The following LRBA variants were observed in gnomAD, a reference collection of about 807,000 sequenced individuals.
LRBA encodes lipopolysaccharide-responsive and beige-like anchor protein.
LRBA carries 176 observed loss-of-function variants against 330.0 expected under a neutral mutation model. The ratio of observed to expected loss-of-function variants is 0.53; its 90% CI spans 0.47 to 0.60. LRBA has a LOEUF of 0.60. LRBA is among the 20% of genes least tolerant of loss of function. The pLI is 0.00. For missense variants in LRBA, 3,259 were observed against 3,444.8 expected (o/e 0.95, Z 1.35); for synonymous variants, 1,230 against 1,193.0 (o/e 1.03, Z -0.64).
intron 40 of LRBA, among the ~76,000 whole-genome samples, chr4:150,547,326 AAC>A (rs1342303047): frequency 3.3e-5 from 5 of 152,186 alleles, no homozygotes; most frequent in African/African-American, 1.2e-4. Flanking sequence ...AATGCGACAA[AAC>A]ACACAGACAC....
chr4:150,555,205 GTTGT>G (rs1317347653), intron 40 of LRBA, among the ~76,000 whole-genome samples: 2 of 152,126 alleles, frequency 1.3e-5, no homozygotes, highest in African/African-American at 4.8e-5. Context: ...GAACACTTCA[GTTGT>G]TTAATTGTAT....
At chr4:150,857,609 G>T (rs1025560120) in intron 22 of LRBA, among the ~76,000 whole-genome samples, 1 of 151,986 alleles carries the variant, frequency 6.6e-6, no homozygotes, top group East Asian at 1.9e-4. Context: ...CCACTTACAG[G>T]AATTTATCCT....
chr4:150,683,690 T>C lies in LRBA; in HGVS notation c.5782A>G (p.Lys1928Glu), dbSNP rs1465886720. 1.9e-6 allele frequency: 3 copies of C among 1,613,356 alleles called. No individual in the cohort carries two copies. Among genetic ancestry groups the C allele is most frequent in the Non-Finnish European group, 2.5e-6 (3 of 1,179,592 alleles). Reference protein sequence around the residue: ...ESLCAQYSADKREDEKMCDHL... With the variant: ...ESLCAQYSADEREDEKMCDHL... ...TCACACATCTTCTCATCTTCTCGTT[T>C]GTCTGCAGAATACTGGGCACACAGT... Residue 1928 changes from lysine (K) to glutamate (E), a missense_variant, in exon 37 of 57, where the codon AAA becomes GAA. Transcript: ENST00000651943.
chr4:150,751,323 G>T (rs1399177701), intron 35 of LRBA, among the ~76,000 whole-genome samples: 1 of 151,962 alleles, frequency 6.6e-6, no homozygotes, highest in African/African-American at 2.4e-5. Context: ...TTCTGAGAAG[G>T]TCCTGAATAC....
intron 47 of LRBA, among the ~76,000 whole-genome samples, chr4:150,362,948 T>G (rs1011682871): frequency 4.6e-5 from 7 of 151,912 alleles, no homozygotes; most frequent in African/African-American, 1.4e-4. Flanking sequence ...TGAATCCCCA[T>G]CTCTACTGAA....
intron 40 of LRBA, among the ~76,000 whole-genome samples, chr4:150,519,642 A>C (rs1045221916): frequency 3.3e-5 from 5 of 152,172 alleles, no homozygotes; most frequent in Non-Finnish European, 7.4e-5. Flanking sequence ...ACTAAGAATA[A>C]AGTTGATGTA....
At chr4:150,806,181 C>T in intron 33 of LRBA, 90 bp downstream of exon 33, 1 of 1,005,548 alleles carries the variant, frequency 9.9e-7, no homozygotes, top group Non-Finnish European at 1.4e-6. Context: ...AACACTTAAA[C>T]AATGAAACTC....
At chr4:150,925,797 A>T (rs1733819860) in intron 4 of LRBA, among the ~76,000 whole-genome samples, 1 of 152,224 alleles carries the variant, frequency 6.6e-6, no homozygotes, top group Non-Finnish European at 1.5e-5. Flanking sequence ...CAGAATAAAT[A>T]ATGTGAATAT....
chr4:150,873,367 G>A (rs1218988626), intron 17 of LRBA, among the ~76,000 whole-genome samples: 1 of 152,188 alleles, frequency 6.6e-6, no homozygotes, highest in African/African-American at 2.4e-5. Flanking sequence ...AAGGCAGGCA[G>A]ATCACCTGAA....
At chr4:150,693,512 C>T (rs1490513820) in intron 36 of LRBA, among the ~76,000 whole-genome samples, 2 of 134,518 alleles carry the variant, frequency 1.5e-5, no homozygotes, top group South Asian at 2.4e-4. Context: ...TGCAGTGAGC[C>T]GAGATCCCGC....
intron 40 of LRBA, among the ~76,000 whole-genome samples, chr4:150,536,971 G>A (rs1764720411): frequency 6.6e-6 from 1 of 152,158 alleles, no homozygotes; most frequent in African/African-American, 2.4e-5. Context: ...CACAGAATTA[G>A]AAATAACTAT....
chr4:150,633,099 G>T (rs1657983821), intron 37 of LRBA, among the ~76,000 whole-genome samples: 1 of 152,148 alleles, frequency 6.6e-6, no homozygotes, highest in South Asian at 2.1e-4. Context: ...ATATAGTTTA[G>T]CAGTTAAGAA....
chr4:150,746,521 T>C (rs1370758165), intron 35 of LRBA, among the ~76,000 whole-genome samples: 1 of 150,548 alleles, frequency 6.6e-6, no homozygotes, highest in Non-Finnish European at 1.5e-5. Context: ...TTTTTTTTTT[T>C]TTTTTGTGAG....
At chr4:150,856,662 A>G (rs891808910) in intron 22 of LRBA, among the ~76,000 whole-genome samples, 1 of 152,192 alleles carries the variant, frequency 6.6e-6, no homozygotes, top group Non-Finnish European at 1.5e-5. Context: ...CTAAATTGCA[A>G]TTGAACAACT....
intron 34 of LRBA, among the ~76,000 whole-genome samples, chr4:150,784,696 CA>C (rs982377869): frequency 1.3e-5 from 2 of 152,268 alleles, no homozygotes; most frequent in African/African-American, 4.8e-5. Context: ...TGTCTCTGTA[CA>C]GGGGAGCTCC....
intron 47 of LRBA, among the ~76,000 whole-genome samples, chr4:150,376,914 T>C (rs575114745): frequency 2.0e-5 from 3 of 152,108 alleles, no homozygotes; most frequent in African/African-American, 7.2e-5. Flanking sequence ...AATTTCCCTA[T>C]ATATAAACCT....
At chr4:150,701,493 A>G (rs1785116258) in intron 36 of LRBA, among the ~76,000 whole-genome samples, 1 of 152,202 alleles carries the variant, frequency 6.6e-6, no homozygotes, top group South Asian at 2.1e-4. Context: ...GAGTTACACT[A>G]TGACATTACA....
chr4:150,277,122 C>T (rs777428183), intron 56 of LRBA, among the ~76,000 whole-genome samples: 3 of 152,114 alleles, frequency 2.0e-5, no homozygotes, highest in South Asian at 2.1e-4. Context: ...ATGTCCTTTG[C>T]AGGGACATGG....
intron 47 of LRBA, among the ~76,000 whole-genome samples, chr4:150,410,053 A>C (rs573900111): frequency 6.6e-6 from 1 of 152,140 alleles, no homozygotes; most frequent in Non-Finnish European, 1.5e-5. Context: ...AACAACAAAA[A>C]AAACAATTTG....
Sources: allele counts gnomAD v4.1 joint callset (sites outside exome capture counted in the v4.1 genomes callset), GRCh38; gene constraint gnomAD v4.1.1; transcripts MANE v1.5; gene names NCBI Gene and HGNC (gene_info 2026-07-23, HGNC 2026-07-21).